Variants in ADAM19 observed in about 807,000 individuals in gnomAD.
ADAM19 encodes disintegrin and metalloproteinase domain-containing protein 19.
In ADAM19, 65 loss-of-function variants were observed where a neutral mutation model predicts 114.7. The ratio of observed to expected loss-of-function variants is 0.57; its 90% CI spans 0.46 to 0.70. The LOEUF is 0.70. ADAM19 is among the 30% of genes least tolerant of loss of function. ADAM19 has a pLI of 0.00. For missense variants in ADAM19, 1,063 were observed against 1,204.7 expected, an observed-to-expected ratio of 0.88 and a Z score of 1.74; for synonymous variants, 466 against 460.5, an observed-to-expected ratio of 1.01 and a Z score of -0.15.
chr5:157,565,091 G>A (rs1756763364), intron 2 of ADAM19, among the ~76,000 whole-genome samples: 1 of 152,080 alleles, frequency 6.6e-6, no homozygotes, highest in African/African-American at 2.4e-5. Flanking sequence ...GGTTTTATAG[G>A]CCAAAAAGTA....
intron 3 of ADAM19, among the ~76,000 whole-genome samples, chr5:157,553,178 G>A (rs918916509): frequency 6.6e-6 from 1 of 152,194 alleles, no homozygotes; most frequent in Non-Finnish European, 1.5e-5. Flanking sequence ...AAAATAAAGA[G>A]TATAATTGGA....
In ADAM19 at chr5:157,480,959, G is replaced by C; in HGVS notation, c.2747C>G (p.Ser916Trp). ...RSQRAGGMIS[S>W]KI ...GCCCCTTGGACAGGTCTAGATTTTC[G>C]AGCTAATCATCCCTCCAGCCCTCTG... The change falls in exon 23 of 23, where the codon TCG becomes TGG. Residue 916 changes from serine (S) to tryptophan (W), a missense_variant. Around this residue, in one of 3 missense-constraint regions of ADAM19, gnomAD observed 424 missense variants for 445.5 expected, o/e 0.95. Transcript: ENST00000257527. 2 of 1,614,030 alleles carry C rather than the reference G, an allele frequency of 1.2e-6. No homozygotes were observed. The highest frequency in any genetic ancestry group is 1.7e-6 in the Non-Finnish European group (2 of 1,179,982).
chr5:157,555,880 A>T (rs1382130603), intron 3 of ADAM19, among the ~76,000 whole-genome samples: 5 of 152,000 alleles, frequency 3.3e-5, no homozygotes, highest in Non-Finnish European at 7.4e-5. Context: ...TGGCTGCACC[A>T]CTCTAATCTC....
chr5:157,487,530 G>A (rs779344361), intron 21 of ADAM19, among the ~76,000 whole-genome samples: 5 of 152,138 alleles, frequency 3.3e-5, no homozygotes, highest in East Asian at 1.9e-4. Context: ...CACCCCACCC[G>A]GCCGCCACCC....
In ADAM19 at chr5:157,502,793, GACCCC is replaced by G; in HGVS notation, c.1308+5_1308+9del. ...CTTCCCCTCCCACTAGCACCATTGT[GACCCC>G]TCACCTCTTCTTCTCCACAGTCACA... is the stretch of plus-strand genomic sequence containing the variant. On this transcript the variant is annotated splice_donor_5th_base_variant and intron_variant, in intron 12 of 22. Coordinates refer to ENST00000257527, the MANE Select transcript of ADAM19 (RefSeq NM_033274.5). The G allele has an allele frequency of 6.2e-7, 1 of 1,612,102 alleles. No homozygotes were observed. Among genetic ancestry groups the G allele is most frequent in the Non-Finnish European group, 8.5e-7 (1 of 1,178,424 alleles).
At chr5:157,569,068 T>A (rs1045615183) in intron 2 of ADAM19, 1 of 152,148 alleles carries the variant, frequency 6.6e-6, no homozygotes, top group Middle Eastern at 3.2e-3. Flanking sequence ...TAGGTTGCAA[T>A]ACCCAAGATC....
At chr5:157,510,829 G>T (rs576402867) in intron 8 of ADAM19, among the ~76,000 whole-genome samples, 1 of 152,206 alleles carries the variant, frequency 6.6e-6, no homozygotes, top group East Asian at 1.9e-4. Context: ...ACTCATTTTG[G>T]AAGTAAATGA....
At chr5:157,531,356 T>G (rs1438820612) in intron 4 of ADAM19, among the ~76,000 whole-genome samples, 3 of 152,152 alleles carry the variant, frequency 2.0e-5, no homozygotes, top group Non-Finnish European at 4.4e-5. Flanking sequence ...GTCTTGCAGA[T>G]GTAGTTAAAT....
At chr5:157,544,788 T>C (rs998655050) in intron 3 of ADAM19, among the ~76,000 whole-genome samples, 1 of 152,064 alleles carries the variant, frequency 6.6e-6, no homozygotes, top group African/African-American at 2.4e-5. Context: ...AAATGGTGAG[T>C]AGGAACAACT....
At chr5:157,514,573 T>G (rs1486685135) in intron 7 of ADAM19, among the ~76,000 whole-genome samples, 1 of 152,172 alleles carries the variant, frequency 6.6e-6, no homozygotes, top group East Asian at 1.9e-4. Flanking sequence ...GTGATCCATC[T>G]GCCTTGGCCT....
intron 3 of ADAM19, among the ~76,000 whole-genome samples, chr5:157,562,555 A>G (rs2113792124): frequency 6.6e-6 from 1 of 152,264 alleles, no homozygotes; most frequent in East Asian, 1.9e-4. Flanking sequence ...TTTTATAAAC[A>G]AGGACACCGA....
intron 22 of ADAM19, chr5:157,481,495 A>G (rs1754745252): frequency 9.8e-7 from 1 of 1,019,286 alleles, no homozygotes. Flanking sequence ...TAGCCTCTGT[A>G]CAAATGAGGA....
At chr5:157,549,146 A>T (rs894656406) in intron 3 of ADAM19, among the ~76,000 whole-genome samples, 1 of 152,342 alleles carries the variant, frequency 6.6e-6, no homozygotes, top group African/African-American at 2.4e-5. Flanking sequence ...TCCAAGGTGT[A>T]GAAATACAGC....
chr5:157,517,033 A>G (rs756675462), intron 7 of ADAM19, among the ~76,000 whole-genome samples: 1 of 152,100 alleles, frequency 6.6e-6, no homozygotes, highest in Non-Finnish European at 1.5e-5. Flanking sequence ...GCAGAGCACA[A>G]TGTTCCCTCG....
intron 7 of ADAM19, among the ~76,000 whole-genome samples, chr5:157,514,071 C>G (rs1022116641): frequency 2.0e-5 from 3 of 152,196 alleles, no homozygotes; most frequent in Non-Finnish European, 2.9e-5. Flanking sequence ...CCAGAAATAA[C>G]TGTGGCAGAT....
chr5:157,538,804 A>G (rs1756837624), intron 3 of ADAM19, among the ~76,000 whole-genome samples: 1 of 152,260 alleles, frequency 6.6e-6, no homozygotes, highest in African/African-American at 2.4e-5. Context: ...AAAGAAAAAT[A>G]TAAGAGTCAA....
intron 5 of ADAM19, among the ~76,000 whole-genome samples, chr5:157,522,991 T>C (rs1756346907): frequency 6.6e-6 from 1 of 152,200 alleles, no homozygotes; most frequent in South Asian, 2.1e-4. Flanking sequence ...GCACTGTGTT[T>C]ACAAATGTTA....
At chr5:157,496,106 C>T (rs1184501240) in intron 14 of ADAM19, among the ~76,000 whole-genome samples, 1 of 151,802 alleles carries the variant, frequency 6.6e-6, no homozygotes, top group African/African-American at 2.4e-5. Flanking sequence ...TATCAGCCAC[C>T]TGAGTAGCTA....
At chr5:157,541,338 T>C (rs1207417474) in intron 3 of ADAM19, among the ~76,000 whole-genome samples, 2 of 152,232 alleles carry the variant, frequency 1.3e-5, no homozygotes, top group Non-Finnish European at 2.9e-5. Flanking sequence ...AGATTTCCCA[T>C]TCCGCCCACT....
Sources: allele counts gnomAD v4.1 joint callset (sites outside exome capture counted in the v4.1 genomes callset), GRCh38; gene constraint gnomAD v4.1.1; regional missense constraint gnomAD v4.1.1; transcripts MANE v1.5; gene names NCBI Gene and HGNC (gene_info 2026-07-23, HGNC 2026-07-21).